Variants in PRKDC observed in about 807,000 individuals in gnomAD.
PRKDC encodes protein kinase, DNA-activated, catalytic subunit, also known as DNA-dependent protein kinase catalytic subunit.
A neutral mutation model predicts 486.9 loss-of-function variants in PRKDC; 82 were observed. The ratio of observed to expected loss-of-function variants is 0.17; its 90% CI spans 0.14 to 0.20. The LOEUF is 0.20. Among genes scored for constraint, PRKDC ranks in the 10% least tolerant of loss-of-function variants. The pLI is 1.00. For synonymous variants in PRKDC, 1,895 were observed against 1,837.0 expected, an observed-to-expected ratio of 1.03 and a Z score of -0.81; for missense variants, 4,504 against 5,038.2, an observed-to-expected ratio of 0.89 and a Z score of 3.21.
intron 82 of PRKDC, 33 bp downstream of exon 82, chr8:47,778,695 T>TCCCACTAAGGGTGACTCA (rs1563729473): frequency 1.2e-6 from 2 of 1,613,442 alleles, no homozygotes; most frequent in Non-Finnish European, 1.7e-6. Context: ...GCTGCTGTGA[T>TCCCACTAAGGGTGACTCA]CCCACTAAGG....
In PRKDC at chr8:47,960,111, C is replaced by T. The variant is rs8177999; in HGVS notation, c.16G>A (p.Ala6Thr). The T allele has an allele frequency of 9.3e-6, 14 of 1,504,638 alleles. 1 individual carries two copies. Among genetic ancestry groups the T allele is most frequent in the Middle Eastern group, 4.7e-4 (2 of 4,288 alleles). 93.2% of individuals were successfully genotyped at this position (1,504,638 alleles called of 1,614,324 possible). Residue 6 changes from alanine to threonine, a missense_variant, in exon 1 of 86, where the codon GCC becomes ACC. Physicochemically the swap from Ala to Thr is moderately conservative, Grantham distance 58. Coordinates refer to ENST00000314191, the MANE Select transcript of PRKDC (RefSeq NM_006904.7). ...CGCAGCAGGGAGCAACGCACACCGG[C>T]TCCGGAGCCCGCCATGCCGCCGAGT... is the stretch of plus-strand genomic sequence containing the variant. MAGSGAGVRCSLLRLQ... is the reference protein window; with the variant it reads MAGSGTGVRCSLLRLQ...
chr8:47,941,438 T>C (rs894607940), intron 10 of PRKDC, among the ~76,000 whole-genome samples: 1 of 152,228 alleles, frequency 6.6e-6, no homozygotes, highest in Non-Finnish European at 1.5e-5. Context: ...ACAGCATCCC[T>C]GGAAGCCGAG....
At chr8:47,838,102 C>T (rs181966985) in intron 56 of PRKDC, among the ~76,000 whole-genome samples, 2 of 152,214 alleles carry the variant, frequency 1.3e-5, no homozygotes, top group Admixed American at 1.3e-4. Context: ...TGCTACTGCA[C>T]TCCAGCCTGG....
intron 31 of PRKDC, 131 bp downstream of exon 31, chr8:47,893,008 G>A: frequency 2.8e-6 from 3 of 1,063,208 alleles, no homozygotes; most frequent in Non-Finnish European, 3.8e-6. Context: ...GCAGAGAAGT[G>A]ACATGAAAGC....
At position 47,933,853 on chromosome 8, in the gene PRKDC, T is replaced by G. The variant is rs904691176; in HGVS notation, c.1623+112A>C. ...TTTTTTATTTTTGAAGTACACTGTT[T>G]TAAACTTTTGAAAGTTAGTAAAATA... On this transcript the variant is annotated intron_variant, in intron 15 of 85. Transcript: ENST00000314191. 1.1e-5 allele frequency: 13 copies of G among 1,196,154 alleles called. No homozygotes were observed. In the African/African-American group the frequency reaches 1.6e-4, roughly 14 times the overall value. The allele number at this position is 1,196,154 out of a possible 1,614,324, so 74.1% of individuals were successfully genotyped here.
rs1360630468 is a variant in PRKDC, at chr8:47,837,352, C to T, written c.7621G>A (p.Ala2541Thr). ...LPSNTLDRLL[A>T]LNSLYSPKIE... ...TTAGGAGAATATAAGGAATTTAGTG[C>T]CAGCAACCGGTCCAAGGTATTTGAA... The change falls in exon 57 of 86, where the codon GCA (alanine) becomes ACA (threonine). Residue 2541 changes from alanine to threonine, a missense_variant. By Grantham distance (58) the Ala-to-Thr change is moderately conservative (BLOSUM62 0). This residue lies in a region of PRKDC where 1,592 missense variants were observed against 1,724.6 expected (regional missense o/e 0.92). Coordinates refer to ENST00000314191, the MANE Select transcript of PRKDC (RefSeq NM_006904.7). The T allele has an allele frequency of 6.2e-7, 1 of 1,613,012 alleles. No homozygotes were observed. Among genetic ancestry groups the T allele is most frequent in the Non-Finnish European group, 8.5e-7 (1 of 1,179,072 alleles).
At position 47,897,270 on chromosome 8, in the gene PRKDC, CAAT is replaced by C. The variant is rs756077763; in HGVS notation, c.3486_3488del (p.Leu1163del). On this transcript the variant is annotated inframe_deletion, in exon 30 of 86. Transcript: ENST00000314191. ...GCCACTTGACCAGATCCAATAAACA[CAAT>C]GATGCGGAAGGTGGAAATCCTCTGC... 40 of 1,599,120 alleles carry C rather than the reference CAAT, an allele frequency of 2.5e-5. No homozygotes were observed. Among genetic ancestry groups the C allele is most frequent in the Non-Finnish European group, 3.3e-5 (39 of 1,168,372 alleles).
At chr8:47,838,431 G>A (rs2088073240) in intron 56 of PRKDC, among the ~76,000 whole-genome samples, 1 of 152,084 alleles carries the variant, frequency 6.6e-6, no homozygotes, top group African/African-American at 2.4e-5. Flanking sequence ...GGGTAACATA[G>A]CAAGACCCTA....
At position 47,914,062 on chromosome 8, in the gene PRKDC, T is replaced by C. The variant is rs768430430; in HGVS notation, c.2620A>G (p.Thr874Ala). 1.3e-6 allele frequency: 2 copies of C among 1,484,120 alleles called. No individual in the cohort carries two copies. The highest frequency in any genetic ancestry group is 1.8e-6 in the Non-Finnish European group (2 of 1,113,938). The allele number at this position is 1,484,120 out of a possible 1,614,324, so 91.9% of individuals were successfully genotyped here. The change falls in exon 24 of 86, where the codon ACG becomes GCG. Residue 874 changes from threonine to alanine, a missense_variant and splice_region_variant. By Grantham distance (58) the Thr-to-Ala change is moderately conservative. Around this residue, in one of 6 missense-constraint regions of PRKDC, gnomAD observed 1,969 missense variants for 2,068.9 expected, o/e 0.95. Transcript: ENST00000314191. ...CTCTTCATCATCTCATCTGAGGACG[T>C]GACTGTTAGAAAAGATTTAAGAAGA... is the stretch of plus-strand genomic sequence containing the variant. The part of the protein sequence containing the change: ...GQINKNLLTV[T>A]SSDEMMKSYV...
chr8:47,933,107 T>C lies in PRKDC; in HGVS notation c.1689A>G (p.Leu563=), dbSNP rs1178319152. Residue 563 remains leucine, a synonymous_variant, in exon 16 of 86, where the codon TTA becomes TTG. Transcript: ENST00000314191. ...CGGATTTTACAAATTCATCATAAAG[T>C]AAATGATTCAGACTTTCACTGGAGG... ...VNSSSESLNH[L]LYDEFVKSVL... 3.8e-6 allele frequency: 6 copies of C among 1,579,084 alleles called. No individual in the cohort carries two copies. The African/African-American group carries it at 5.4e-5, about 14-fold the overall frequency.
At chr8:47,842,651 T>C (rs1263550597) in intron 54 of PRKDC, among the ~76,000 whole-genome samples, 1 of 152,162 alleles carries the variant, frequency 6.6e-6, no homozygotes, top group Non-Finnish European at 1.5e-5. Flanking sequence ...TGAGAAAGAA[T>C]TTGTGCAAAC....
intron 11 of PRKDC, among the ~76,000 whole-genome samples, chr8:47,938,576 ATTT>A (rs968543942): frequency 2.6e-4 from 39 of 152,026 alleles, no homozygotes; most frequent in Non-Finnish European, 5.4e-4. Context: ...TTAAAAAAAA[ATTT>A]TTAAGAGATA....
chr8:47,889,693 T>C (rs913310538), intron 32 of PRKDC, among the ~76,000 whole-genome samples: 11 of 152,342 alleles, frequency 7.2e-5, no homozygotes, highest in African/African-American at 1.7e-4. Context: ...TGTTTGATCA[T>C]AGCATAAAAT....
intron 55 of PRKDC, 29 bp downstream of exon 55, chr8:47,839,987 C>T: frequency 6.7e-7 from 1 of 1,492,582 alleles, no homozygotes. Flanking sequence ...AAAAAAGTAA[C>T]AAAATAAAAT....
intron 40 of PRKDC, among the ~76,000 whole-genome samples, chr8:47,866,006 A>G (rs916451874): frequency 6.6e-6 from 1 of 152,068 alleles, no homozygotes; most frequent in African/African-American, 2.4e-5. Flanking sequence ...AAATACAAAA[A>G]TTAGCCAGGC....
intron 63 of PRKDC, among the ~76,000 whole-genome samples, chr8:47,826,001 T>C (rs998931208): frequency 1.3e-5 from 2 of 152,242 alleles, no homozygotes; most frequent in South Asian, 2.1e-4. Flanking sequence ...AGGACAGACA[T>C]GAATTAACTA....
At chr8:47,958,875 A>T (rs895371602) in intron 1 of PRKDC, among the ~76,000 whole-genome samples, 2 of 151,874 alleles carry the variant, frequency 1.3e-5, no homozygotes, top group South Asian at 4.1e-4. Flanking sequence ...AGCTGGGACT[A>T]CAGGCGCTCG....
chr8:47,957,599 C>T (rs2090727756), intron 1 of PRKDC, among the ~76,000 whole-genome samples, 168 bp from the exon 2 acceptor site: 2 of 147,314 alleles, frequency 1.4e-5, no homozygotes, highest in Non-Finnish European at 3.0e-5. Flanking sequence ...CAACCTCCGC[C>T]TCCCGGGTTC....
chr8:47,816,990 G>A (rs8178215), intron 68 of PRKDC, among the ~76,000 whole-genome samples: 3,068 of 152,296 alleles, frequency 0.02, 242 homozygotes, highest in Admixed American at 0.14. Flanking sequence ...ACAGGATGGA[G>A]AAGATGAGGA....
Sources: allele counts gnomAD v4.1 joint callset (sites outside exome capture counted in the v4.1 genomes callset), GRCh38; gene constraint gnomAD v4.1.1; regional missense constraint gnomAD v4.1.1; transcripts MANE v1.5; gene names NCBI Gene and HGNC (gene_info 2026-07-23, HGNC 2026-07-21).